The following HSD17B12 variants were observed in gnomAD, a reference collection of about 807,000 sequenced individuals.
HSD17B12 encodes very-long-chain 3-oxoacyl-CoA reductase.
HSD17B12 carries 32 observed loss-of-function variants against 39.3 expected under a neutral mutation model. The observed-to-expected ratio is 0.81, with a 90% CI of 0.61 to 1.09. HSD17B12 has a LOEUF of 1.09. Ranked by LOEUF, HSD17B12 falls within the 50% of genes least tolerant of loss-of-function variation. HSD17B12 has a pLI of 0.00. For synonymous variants in HSD17B12, 150 were observed against 146.7 expected (o/e 1.02, Z -0.16); for missense variants, 342 against 382.9 (o/e 0.89, Z 0.89).
chr11:43,573,927 C>A, the HSD17B12 span, among the ~76,000 whole-genome samples: 59 of 152,316 alleles, frequency 3.9e-4, no homozygotes, highest in East Asian at 7.7e-4. Flanking sequence ...CATTTGATGA[C>A]CCCATGTGAT....
intron 3 of HSD17B12, among the ~76,000 whole-genome samples, chr11:43,760,303 GC>G (rs1565078070): frequency 6.6e-6 from 1 of 152,028 alleles, no homozygotes; most frequent in South Asian, 2.1e-4. Context: ...TCCCACCTTG[GC>G]CCCCCAAAGT....
chr11:43,562,104 A>G, the HSD17B12 span, among the ~76,000 whole-genome samples: 1 of 152,244 alleles, frequency 6.6e-6, no homozygotes, highest in Non-Finnish European at 1.5e-5. Context: ...GCTACCCCAC[A>G]CAGTTATTTT....
the HSD17B12 span, among the ~76,000 whole-genome samples, chr11:43,588,002 G>C: frequency 6.6e-6 from 1 of 152,216 alleles, no homozygotes; most frequent in Non-Finnish European, 1.5e-5. Flanking sequence ...TAGTGAAGGA[G>C]AAATTGGGAG....
chr11:43,559,291 C>T, the HSD17B12 span, among the ~76,000 whole-genome samples: 1 of 152,338 alleles, frequency 6.6e-6, no homozygotes, highest in East Asian at 1.9e-4. Flanking sequence ...CTGCTCTCCA[C>T]AGTCCTCCAA....
chr11:43,723,574 T>C lies in HSD17B12; in HGVS notation c.161-27337T>C, dbSNP rs376244254. 1.3e-3 allele frequency among the ~76,000 whole-genome samples: 200 copies of C among 152,334 alleles called. 1 individual carries two copies. Among genetic ancestry groups the C allele is most frequent in the African/African-American group, 4.6e-3 (192 of 41,596 alleles). On this transcript the variant is annotated intron_variant, in intron 1 of 10. Coordinates refer to ENST00000278353, the MANE Select transcript of HSD17B12 (RefSeq NM_016142.3). ...TGGCATATTGCCATTAGCATTTATT[T>C]TACCTTTTTTAGAAAATGAAAATCA...
chr11:43,780,580 G>A (rs1194080993), intron 3 of HSD17B12, among the ~76,000 whole-genome samples: 1 of 152,172 alleles, frequency 6.6e-6, no homozygotes, highest in Non-Finnish European at 1.5e-5. Context: ...CATCTCATAT[G>A]TATTGTTTTT....
At position 43,854,828 on chromosome 11, in the gene HSD17B12, A is replaced by G. The variant is rs1206301634; in HGVS notation, c.798A>G (p.Gln266=). ...VKSAIKTVGL[Q]SRTNGYLIHA... ...CTGCAATTAAAACAGTCGGCCTGCA[A>G]TCCCGAACCAATGGATACCTGATCC... is the stretch of plus-strand genomic sequence containing the variant. Residue 266 remains glutamine (Q), a synonymous_variant, in exon 10 of 11, where the codon CAA becomes CAG. Coordinates refer to ENST00000278353, the MANE Select transcript of HSD17B12 (RefSeq NM_016142.3). 1.1e-5 allele frequency: 18 copies of G among 1,614,092 alleles called. No individual in the cohort carries two copies. Among genetic ancestry groups the G allele is most frequent in the African/African-American group, 1.3e-5 (1 of 74,932 alleles).
the HSD17B12 span, among the ~76,000 whole-genome samples, chr11:43,653,299 T>C: frequency 6.6e-6 from 1 of 152,158 alleles, no homozygotes; most frequent in Admixed American, 6.5e-5. Flanking sequence ...AAGATGGAGT[T>C]GAAATTACTC....
chr11:43,783,780 A>T (rs1294243343), intron 3 of HSD17B12, among the ~76,000 whole-genome samples: 1 of 151,878 alleles, frequency 6.6e-6, no homozygotes, highest in Non-Finnish European at 1.5e-5. Flanking sequence ...TTTACATAGG[A>T]TACCACTATC....
At chr11:43,584,008 TC>T in the HSD17B12 span, among the ~76,000 whole-genome samples, 1 of 151,842 alleles carries the variant, frequency 6.6e-6, no homozygotes, top group Non-Finnish European at 1.5e-5. Context: ...GGCCACAGAG[TC>T]CCCTCAAAGT....
At chr11:43,718,859 C>A in intron 1 of HSD17B12, 1 of 879,056 alleles carries the variant, frequency 1.1e-6, no homozygotes, top group South Asian at 1.3e-5. Flanking sequence ...CAAATATCCT[C>A]GGAAAAGCAC....
At chr11:43,823,324 G>T (rs747882839) in intron 6 of HSD17B12, among the ~76,000 whole-genome samples, 1 of 152,052 alleles carries the variant, frequency 6.6e-6, no homozygotes, top group Admixed American at 6.6e-5. Context: ...AGGATGGAGT[G>T]CAGTGACACT....
intron 1 of HSD17B12, among the ~76,000 whole-genome samples, chr11:43,690,621 C>A (rs1949854013): frequency 6.6e-6 from 1 of 150,990 alleles, no homozygotes; most frequent in Non-Finnish European, 1.5e-5. Flanking sequence ...AGCTACAAAT[C>A]TAACAAATAT....
At chr11:43,807,432 A>G (rs1400724788) in intron 4 of HSD17B12, among the ~76,000 whole-genome samples, 1 of 152,176 alleles carries the variant, frequency 6.6e-6, no homozygotes, top group African/African-American at 2.4e-5. Context: ...AGTAGAACTG[A>G]CAAAAGCCCT....
At chr11:43,567,900 C>A in the HSD17B12 span, among the ~76,000 whole-genome samples, 1 of 152,128 alleles carries the variant, frequency 6.6e-6, no homozygotes, top group South Asian at 2.1e-4. Context: ...GACTAATAGA[C>A]CCCCTTAGTG....
chr11:43,680,978 G>T lies in HSD17B12; in HGVS notation c.151G>T (p.Glu51Ter). The change falls in exon 1 of 11, where the codon GAA becomes TAA. Residue 51 changes from glutamate (E) to a stop codon, truncating the protein, a stop_gained. Transcript: ENST00000278353. LOFTEE classifies it high-confidence loss of function. ...NEAGVGPGLG[E>*]WAVVTGSTDG... ...GGCGGGGGTCGGCCCGGGGCTCGGA[G>T]AATGGGCAGGTGAGTCGGATGCAGC... 2.5e-6 allele frequency: 4 copies of T among 1,603,594 alleles called. No individual in the cohort carries two copies. Among genetic ancestry groups the T allele is most frequent in the South Asian group, 2.2e-5 (2 of 90,396 alleles).
At position 43,680,758 on chromosome 11, in the gene HSD17B12, C is replaced by T; in HGVS notation, c.-70C>T. ...TTAGTGTCATCCTCACCGTCACGGC[C>T]GGCGCCTCCTCCTGGATTCATTCAC... On this transcript the variant is annotated 5_prime_UTR_variant, in exon 1 of 11. Transcript: ENST00000278353. 1 of 1,404,908 alleles carries T rather than the reference C, an allele frequency of 7.1e-7. No homozygotes were observed. The highest frequency in any genetic ancestry group is 1.0e-6 in the Non-Finnish European group (1 of 991,402). The allele number at this position is 1,404,908 out of a possible 1,614,324, so 87.0% of individuals were successfully genotyped here.
chr11:43,771,576 C>T (rs1026036099), intron 3 of HSD17B12, among the ~76,000 whole-genome samples: 1 of 148,174 alleles, frequency 6.7e-6, no homozygotes, highest in Non-Finnish European at 1.5e-5. Flanking sequence ...AAGTGATTCT[C>T]CTGCCTCAAC....
At chr11:43,641,025 T>C in the HSD17B12 span, 1 of 151,924 alleles carries the variant, frequency 6.6e-6, no homozygotes, top group Non-Finnish European at 1.5e-5. Flanking sequence ...GTGAAACTTT[T>C]CTTCTTTAGG....
Sources: allele counts gnomAD v4.1 joint callset (sites outside exome capture counted in the v4.1 genomes callset), GRCh38; gene constraint gnomAD v4.1.1; transcripts MANE v1.5; gene names NCBI Gene and HGNC (gene_info 2026-07-23, HGNC 2026-07-21).